Variants in MRLN observed in about 807,000 individuals in gnomAD.
The protein encoded by MRLN is myoregulin.
chr10:59,752,804 CAAAG>C (rs57158127), intron 1 of MRLN, among the ~76,000 whole-genome samples: 32,816 of 151,716 alleles, frequency 0.22, 3,907 homozygotes, highest in East Asian at 0.33. Flanking sequence ...GCTGCAAAGA[CAAAG>C]AAAGCCTCTG....
At chr10:59,743,033 A>C (rs1841001345) in intron 1 of MRLN, among the ~76,000 whole-genome samples, 1 of 152,090 alleles carries the variant, frequency 6.6e-6, no homozygotes, top group African/African-American at 2.4e-5. Context: ...CCTGGCCTTC[A>C]TGTGCTTTTC....
intron 1 of MRLN, among the ~76,000 whole-genome samples, chr10:59,749,685 A>C (rs1841079557): frequency 1.3e-5 from 2 of 152,016 alleles, no homozygotes; most frequent in Admixed American, 6.6e-5. Flanking sequence ...CAAAAAAAAA[A>C]CAAAACAAAA....
intron 1 of MRLN, among the ~76,000 whole-genome samples, chr10:59,752,548 C>G (rs1461986590): frequency 6.6e-6 from 1 of 152,228 alleles, no homozygotes; most frequent in Non-Finnish European, 1.5e-5. Flanking sequence ...AGTTCCCTGT[C>G]ATGCTTCCCT....
At chr10:59,751,756 A>G (rs927917577) in intron 1 of MRLN, among the ~76,000 whole-genome samples, 23 of 150,612 alleles carry the variant, frequency 1.5e-4, no homozygotes, top group Admixed American at 1.4e-3. Flanking sequence ...ACCCCGTTTT[A>G]GGTTAGCACA....
At chr10:59,747,731 G>A (rs1358245235) in intron 1 of MRLN, among the ~76,000 whole-genome samples, 1 of 152,204 alleles carries the variant, frequency 6.6e-6, no homozygotes, top group Non-Finnish European at 1.5e-5. Context: ...GCTATAGTCA[G>A]TGATGCTTTC....
intron 2 of MRLN, among the ~76,000 whole-genome samples, chr10:59,737,648 CAAAAAAA>C (rs60567923): frequency 2.0e-5 from 1 of 50,296 alleles, no homozygotes. Flanking sequence ...AGGTACTGAT[CAAAAAAA>C]AAAAAAAAAA....
rs1840931059 is a variant in MRLN at position 59,736,980 on chromosome 10, G to A, written c.*80C>T. ...ATAAATTGGCAATGTCATAAAATGT[G>A]AGTCACTCAACAAGTTAAAATACAA... is the stretch of plus-strand genomic sequence containing the variant. On this transcript the variant is annotated 3_prime_UTR_variant, in exon 3 of 3. Transcript: ENST00000414264. The A allele has an allele frequency of 2.6e-6, 1 of 383,698 alleles. No individual in the cohort carries two copies. The highest frequency in any genetic ancestry group is 4.6e-6 in the Non-Finnish European group (1 of 216,032). 23.8% of individuals were successfully genotyped at this position (383,698 alleles called of 1,614,324 possible).
At chr10:59,750,045 GCT>G (rs201153685) in intron 1 of MRLN, among the ~76,000 whole-genome samples, 17 of 129,798 alleles carry the variant, frequency 1.3e-4, no homozygotes, top group South Asian at 5.2e-4. Flanking sequence ...AACCTCCCTT[GCT>G]CTCTCTCTCT....
At chr10:59,750,543 G>A (rs1841091485) in intron 1 of MRLN, among the ~76,000 whole-genome samples, 1 of 152,208 alleles carries the variant, frequency 6.6e-6, no homozygotes, top group Non-Finnish European at 1.5e-5. Flanking sequence ...GAAGGTTAAA[G>A]TTTCTAGCTG....
intron 1 of MRLN, chr10:59,739,477 T>C (rs1246955962): frequency 6.6e-6 from 1 of 152,192 alleles, no homozygotes; most frequent in African/African-American, 2.4e-5. Flanking sequence ...AAGTGCTATG[T>C]AAATAGCTGT....
chr10:59,747,513 TAGAC>T (rs1307232110), intron 1 of MRLN, among the ~76,000 whole-genome samples: 1 of 152,214 alleles, frequency 6.6e-6, no homozygotes, highest in African/African-American at 2.4e-5. Context: ...ATATTACTGT[TAGAC>T]AGTAGCCCTT....
At chr10:59,743,245 A>T (rs1244433254) in intron 1 of MRLN, among the ~76,000 whole-genome samples, 2 of 130,826 alleles carry the variant, frequency 1.5e-5, no homozygotes, top group Non-Finnish European at 3.1e-5. Flanking sequence ...CATTTCTCAC[A>T]TTCATTCATT....
intron 1 of MRLN, among the ~76,000 whole-genome samples, chr10:59,740,800 CTTTCTTTT>C (rs1313124204): frequency 2.1e-5 from 3 of 141,466 alleles, no homozygotes; most frequent in South Asian, 2.2e-4. Flanking sequence ...TTCTTTCTTT[CTTTCTTTT>C]TTTTTTGAGA....
chr10:59,739,412 C>T (rs1340401515), intron 1 of MRLN: 2 of 152,140 alleles, frequency 1.3e-5, no homozygotes, highest in African/African-American at 4.8e-5. Flanking sequence ...TACACATATC[C>T]TCCCATATGC....
At chr10:59,751,764 A>G (rs1439723471) in intron 1 of MRLN, among the ~76,000 whole-genome samples, 2 of 152,108 alleles carry the variant, frequency 1.3e-5, no homozygotes, top group African/African-American at 2.4e-5. Flanking sequence ...TTAGGTTAGC[A>G]CATGGTGTCT....
intron 1 of MRLN, among the ~76,000 whole-genome samples, chr10:59,745,817 G>A (rs1841038139): frequency 6.6e-6 from 1 of 152,014 alleles, no homozygotes; most frequent in African/African-American, 2.4e-5. Flanking sequence ...CCACCAGTTT[G>A]TAAGCCCTTG....
chr10:59,739,617 G>A (rs970554688), intron 1 of MRLN: 1 of 152,132 alleles, frequency 6.6e-6, no homozygotes, highest in African/African-American at 2.4e-5. Flanking sequence ...CCATGGATCT[G>A]GAGGGCCAAC....
At chr10:59,747,345 C>G (rs59884290) in intron 1 of MRLN, among the ~76,000 whole-genome samples, 6,633 of 152,190 alleles carry the variant, frequency 0.044, 514 homozygotes, top group African/African-American at 0.15. Context: ...AGATCTTAAG[C>G]AAGCTACGTT....
chr10:59,743,374 A>T (rs997508157), intron 1 of MRLN, among the ~76,000 whole-genome samples: 38 of 152,164 alleles, frequency 2.5e-4, no homozygotes, highest in African/African-American at 8.9e-4. Flanking sequence ...TTGTCAAACC[A>T]ATCATTATAA....
Sources: gnomAD v4.1 joint callset for allele counts (sites outside exome capture counted in the v4.1 genomes callset) on GRCh38, gnomAD v4.1.1 for gene constraint, MANE v1.5 for transcripts, NCBI Gene and HGNC (gene_info 2026-07-23, HGNC 2026-07-21) for gene names.